STT3B: variants seen among roughly 807,000 people sequenced by gnomAD.
STT3B encodes STT3 oligosaccharyltransferase complex catalytic subunit B.
A neutral mutation model predicts 96.8 loss-of-function variants in STT3B; 29 were observed. The observed-to-expected ratio is 0.30, with a 90% CI of 0.22 to 0.41. The LOEUF is 0.41. STT3B is among the 10% of genes least tolerant of loss of function. STT3B has a pLI of 1.00. For missense variants in STT3B, 640 were observed against 1,022.3 expected (o/e 0.63, Z 5.10); for synonymous variants, 367 against 360.0 (o/e 1.02, Z -0.22).
chr3:31,603,297 G>C (rs943104427), intron 5 of STT3B, among the ~76,000 whole-genome samples: 1 of 152,012 alleles, frequency 6.6e-6, no homozygotes, highest in Non-Finnish European at 1.5e-5. Flanking sequence ...AACTGTCAAA[G>C]TTTATTCACA....
chr3:31,629,518 A>C, intron 14 of STT3B, 107 bp downstream of exon 14: 1 of 573,822 alleles, frequency 1.7e-6, no homozygotes, highest in Non-Finnish European at 3.0e-6. Context: ...TGCTGAAGAG[A>C]AATGTGCTTA....
At chr3:31,568,344 G>A (rs1479213948) in intron 1 of STT3B, among the ~76,000 whole-genome samples, 1 of 152,086 alleles carries the variant, frequency 6.6e-6, no homozygotes, top group Non-Finnish European at 1.5e-5. Flanking sequence ...TGTCTCTTTG[G>A]TACACTGATT....
Position 31,533,261 on chromosome 3 carries a change from G to T in STT3B, c.263G>T (p.Arg88Leu). 6.6e-7 allele frequency: 1 copy of T among 1,520,870 alleles called. No individual in the cohort carries two copies. Among genetic ancestry groups the T allele is most frequent in the Non-Finnish European group, 8.8e-7 (1 of 1,134,568 alleles). 94.2% of individuals were successfully genotyped at this position (1,520,870 alleles called of 1,614,324 possible). A position where few individuals can be genotyped will look rare whatever the true frequency, so the allele number is the denominator to read the frequency against. Reference sequence around the variant, plus strand: ...GCCTGGCTTGCCGGCTTCAGCTCGCGCCTCTTCGCCGTCATCCGCTTCGAA... The same window carrying T: ...GCCTGGCTTGCCGGCTTCAGCTCGCTCCTCTTCGCCGTCATCCGCTTCGAA... ...FLAWLAGFSS[R>L]LFAVIRFESI... The change falls in exon 1 of 16, where the codon CGC (arginine) becomes CTC (leucine). Residue 88 changes from arginine (R) to leucine (L), a missense_variant. Coordinates refer to ENST00000295770, the MANE Select transcript of STT3B (RefSeq NM_178862.3).
chr3:31,635,480 A>G (rs1699738777), intron 15 of STT3B, among the ~76,000 whole-genome samples: 1 of 152,128 alleles, frequency 6.6e-6, no homozygotes, highest in African/African-American at 2.4e-5. Context: ...TACCTAAAGG[A>G]TTATTTTTAG....
chr3:31,608,767 C>A (rs1699113259), intron 5 of STT3B, among the ~76,000 whole-genome samples: 1 of 152,156 alleles, frequency 6.6e-6, no homozygotes, highest in Non-Finnish European at 1.5e-5. Context: ...ATGGATTCTT[C>A]ATGGTATCAG....
At chr3:31,634,986 C>A (rs1192554778) in intron 15 of STT3B, among the ~76,000 whole-genome samples, 2 of 152,142 alleles carry the variant, frequency 1.3e-5, no homozygotes, top group Non-Finnish European at 2.9e-5. Flanking sequence ...AGAAGGATTG[C>A]ATTTTGCCTT....
intron 5 of STT3B, among the ~76,000 whole-genome samples, chr3:31,611,927 T>A (rs1178892603): frequency 6.6e-6 from 1 of 152,178 alleles, no homozygotes; most frequent in African/African-American, 2.4e-5. Flanking sequence ...TAGCAATATA[T>A]GTGTAATTTT....
At chr3:31,570,138 T>C (rs1698103518) in intron 1 of STT3B, among the ~76,000 whole-genome samples, 3 of 152,098 alleles carry the variant, frequency 2.0e-5, no homozygotes, top group Admixed American at 2.0e-4. Context: ...CATGCCAAAA[T>C]TGAAGACTAC....
intron 1 of STT3B, among the ~76,000 whole-genome samples, chr3:31,563,391 G>A (rs971672204): frequency 2.0e-5 from 3 of 152,024 alleles, no homozygotes; most frequent in Admixed American, 6.5e-5. Flanking sequence ...TAAGCATTTG[G>A]GATATATACA....
At chr3:31,551,709 C>G (rs1421308287) in intron 1 of STT3B, among the ~76,000 whole-genome samples, 1 of 152,156 alleles carries the variant, frequency 6.6e-6, no homozygotes, top group Non-Finnish European at 1.5e-5. Context: ...TTCAAGAGAG[C>G]CTGTTAATTG....
At chr3:31,604,155 C>G (rs1698994772) in intron 5 of STT3B, among the ~76,000 whole-genome samples, 1 of 152,056 alleles carries the variant, frequency 6.6e-6, no homozygotes, top group Non-Finnish European at 1.5e-5. Flanking sequence ...AGGAGAGTAA[C>G]AGTTGTTTTT....
At chr3:31,553,025 C>G (rs1697604856) in intron 1 of STT3B, among the ~76,000 whole-genome samples, 1 of 150,726 alleles carries the variant, frequency 6.6e-6, no homozygotes, top group South Asian at 2.1e-4. Flanking sequence ...TGGCGTGAAC[C>G]CGGGAGGCGG....
Position 31,624,971 on chromosome 3 carries a change from A to G in STT3B, c.1785A>G (p.Thr595=), listed in dbSNP as rs746263711. 3 of 1,613,790 alleles carry G rather than the reference A, an allele frequency of 1.9e-6. No homozygotes were observed. The highest frequency in any genetic ancestry group is 3.3e-5 in the Admixed American group (2 of 60,018). The stretch of plus-strand genomic sequence containing the variant: ...CTTACTTTTGGCTAAGGCAAAATAC[A>G]GATGAACATGCACGAGTAATGTCTT... ...REAYFWLRQN[T]DEHARVMSWW... Residue 595 remains threonine (T), a synonymous_variant, in exon 12 of 16, where the codon ACA becomes ACG. Transcript: ENST00000295770.
intron 3 of STT3B, among the ~76,000 whole-genome samples, chr3:31,591,119 T>C (rs1223335887): frequency 6.6e-6 from 1 of 152,100 alleles, no homozygotes; most frequent in Non-Finnish European, 1.5e-5. Flanking sequence ...CTTTTAGTTC[T>C]GTTAGTTCCT....
At chr3:31,534,088 A>G (rs1697023399) in intron 1 of STT3B, among the ~76,000 whole-genome samples, 4 of 152,192 alleles carry the variant, frequency 2.6e-5, no homozygotes, top group Non-Finnish European at 4.4e-5. Flanking sequence ...GCTTTTTAGA[A>G]CAAGATCCTT....
chr3:31,533,431 C>T (rs1333091292), intron 1 of STT3B, 119 bp downstream of exon 1: 3 of 1,225,556 alleles, frequency 2.4e-6, no homozygotes, highest in Middle Eastern at 3.2e-4. Flanking sequence ...CGCTCGCGTC[C>T]TGGCTGAGGC....
At chr3:31,570,007 G>A (rs1031337717) in intron 1 of STT3B, among the ~76,000 whole-genome samples, 1 of 152,026 alleles carries the variant, frequency 6.6e-6, no homozygotes, top group Non-Finnish European at 1.5e-5. Context: ...GCAAAGTAGA[G>A]CTAATACTGT....
At chr3:31,621,618 C>T (rs1699431322) in intron 9 of STT3B, among the ~76,000 whole-genome samples, 1 of 152,134 alleles carries the variant, frequency 6.6e-6, no homozygotes, top group Non-Finnish European at 1.5e-5. Context: ...TTTTAAGTTT[C>T]TTGGCAGTAA....
rs779271168 is a variant in STT3B, at chr3:31,619,730, G to A, written c.1227G>A (p.Thr409=). The change falls in exon 9 of 16, where the codon ACG becomes ACA. Residue 409 remains threonine (T), a synonymous_variant. Transcript: ENST00000295770. ...CATCAGTGTCTGAGCATCAACCTACGACTTGGGTGTCTTTCTTCTTTGATC... is the reference window on the plus strand; with the variant it reads ...CATCAGTGTCTGAGCATCAACCTACAACTTGGGTGTCTTTCTTCTTTGATC... ...IIASVSEHQP[T]TWVSFFFDLH... is the part of the protein sequence containing the mutation. The A allele has an allele frequency of 1.1e-5, 17 of 1,613,680 alleles. No individual in the cohort carries two copies. The highest frequency in any genetic ancestry group is 3.3e-5 in the Admixed American group (2 of 59,980).
Sources: gnomAD v4.1 joint callset for allele counts (sites outside exome capture counted in the v4.1 genomes callset) on GRCh38, gnomAD v4.1.1 for gene constraint, MANE v1.5 for transcripts, NCBI Gene and HGNC (gene_info 2026-07-23, HGNC 2026-07-21) for gene names.